The following SAP130 variants were observed in gnomAD, a reference collection of about 807,000 sequenced individuals.
SAP130 encodes the protein histone deacetylase complex subunit SAP130.
In SAP130, 16 loss-of-function variants were observed where a neutral mutation model predicts 103.2. The observed-to-expected ratio is 0.16, with a 90% CI of 0.10 to 0.24. SAP130 has a LOEUF of 0.24. Ranked by LOEUF, SAP130 falls within the 10% of genes least tolerant of loss-of-function variation. The pLI is 1.00. For missense variants in SAP130, 990 were observed against 1,359.7 expected (o/e 0.73, Z 4.28); for synonymous variants, 477 against 497.0 (o/e 0.96, Z 0.53).
chr2:127,989,631 G>C lies in SAP130; in HGVS notation c.1713C>G (p.Ile571Met). 6.2e-7 allele frequency: 1 copy of C among 1,614,168 alleles called. No individual in the cohort carries two copies. The highest frequency in any genetic ancestry group is 1.1e-5 in the South Asian group (1 of 91,086). ...GTQGIHSATPINTQGLQPAPM... is the reference protein window; with the variant it reads ...GTQGIHSATPMNTQGLQPAPM... Reference sequence around the variant, plus strand: ...GTGCAGGCTGAAGCCCTTGTGTGTTGATTGGGGTTGCTGAGTGAATTCCCT... The same window carrying C: ...GTGCAGGCTGAAGCCCTTGTGTGTTCATTGGGGTTGCTGAGTGAATTCCCT... Residue 571 changes from isoleucine to methionine, a missense_variant, in exon 13 of 21, where the codon ATC (isoleucine) becomes ATG (methionine). Ile to Met is a conservative substitution (Grantham distance 10). Coordinates refer to ENST00000643581, the MANE Select transcript of SAP130 (RefSeq NM_001330301.2). The surrounding 1 kb of genome is among the most constrained non-coding windows in gnomAD (Gnocchi z 4.6).
intron 14 of SAP130, among the ~76,000 whole-genome samples, chr2:127,980,938 A>C (rs1681823814): frequency 6.6e-6 from 1 of 152,080 alleles, no homozygotes; most frequent in African/African-American, 2.4e-5. Flanking sequence ...AATGCAGATG[A>C]ATTACATAAA....
intron 3 of SAP130, among the ~76,000 whole-genome samples, chr2:128,017,433 T>C (rs1431736493): frequency 6.6e-6 from 1 of 151,750 alleles, no homozygotes; most frequent in Non-Finnish European, 1.5e-5. Context: ...AACATGCCCA[T>C]AAGTTGAATA....
intron 7 of SAP130, among the ~76,000 whole-genome samples, chr2:128,003,108 G>A (rs1461242315): frequency 6.6e-6 from 1 of 151,526 alleles, no homozygotes; most frequent in African/African-American, 2.4e-5. Flanking sequence ...CAGCCTGGGC[G>A]ACACATGAGA....
intron 14 of SAP130, among the ~76,000 whole-genome samples, chr2:127,983,075 C>T (rs900563089): frequency 6.6e-6 from 1 of 152,114 alleles, no homozygotes; most frequent in Non-Finnish European, 1.5e-5. Context: ...CATTTCTGAT[C>T]ATTAAAGGTG....
rs543220524 is a variant in SAP130, at chr2:127,953,478, C to T, written c.2422+1508G>A. On this transcript the variant is annotated intron_variant, in intron 16 of 20. Transcript: ENST00000643581. The surrounding 1 kb of genome is among the most constrained non-coding windows in gnomAD (Gnocchi z 4.0). ...AGTGAGTGCTTGGCACTGCTCTGCT[C>T]ACACTCCCTGCTCTGCTCCAACAGC... Among the ~76,000 whole-genome samples the T allele has an allele frequency of 6.6e-6, 1 of 152,304 alleles. No individual in the cohort carries two copies. Among genetic ancestry groups the T allele is most frequent in the East Asian group, 1.9e-4 (1 of 5,190 alleles).
At chr2:127,984,725 C>A (rs1042826110) in intron 14 of SAP130, among the ~76,000 whole-genome samples, 14 of 152,164 alleles carry the variant, frequency 9.2e-5, no homozygotes, top group African/African-American at 3.1e-4. Context: ...TCCACACACA[C>A]ACGGTGAGTC....
rs137944846 is a variant in SAP130, at chr2:127,944,186, C to T, written c.2901+1270G>A. Among the ~76,000 whole-genome samples the T allele has an allele frequency of 1.9e-4, 29 of 152,136 alleles. No homozygotes were observed. The Middle Eastern group carries it at 0.01, about 54-fold the overall frequency. ...AGCTGGGACTAGGGGGTGTGCACCA[C>T]TACACCCGGCTAATTAAAACACTTT... On this transcript the variant is annotated intron_variant, in intron 19 of 20. Transcript: ENST00000643581.
intron 15 of SAP130, among the ~76,000 whole-genome samples, chr2:127,961,678 G>A (rs983536550): frequency 1.1e-4 from 17 of 151,994 alleles, no homozygotes; most frequent in African/African-American, 2.9e-4. Flanking sequence ...ATTTGGAGGC[G>A]GAAGGTGAGC....
At position 127,953,619 on chromosome 2, in the gene SAP130, G is replaced by C. The variant is rs1679639384; in HGVS notation, c.2422+1367C>G. ...TATTACTTAGCTCCAGCGACCTTTG[G>C]TTCTTTGCTATATTTTGAGCACATC... On this transcript the variant is annotated intron_variant, in intron 16 of 20. Transcript: ENST00000643581. This position sits in a 1 kb window ranked among gnomAD's most constrained non-coding sequence, Gnocchi z 4.0. Among the ~76,000 whole-genome samples, 1 of 152,064 alleles carries C rather than the reference G, an allele frequency of 6.6e-6. No homozygotes were observed. The highest frequency in any genetic ancestry group is 1.5e-5 in the Non-Finnish European group (1 of 67,998).
At chr2:128,002,779 G>A (rs1034617193) in intron 7 of SAP130, among the ~76,000 whole-genome samples, 7 of 152,072 alleles carry the variant, frequency 4.6e-5, no homozygotes, top group African/African-American at 7.2e-5. Flanking sequence ...ATGAGACATC[G>A]TGTATCAAAA....
intron 15 of SAP130, among the ~76,000 whole-genome samples, chr2:127,975,457 A>G (rs1014274946): frequency 1.3e-5 from 2 of 152,250 alleles, no homozygotes; most frequent in African/African-American, 4.8e-5. Flanking sequence ...GTGAATATAA[A>G]AAGGAAGGTA....
chr2:127,982,068 G>A lies in SAP130; in HGVS notation c.1959-3979C>T, dbSNP rs547888497. 1.2e-4 allele frequency among the ~76,000 whole-genome samples: 18 copies of A among 151,930 alleles called. No homozygotes were observed. In the South Asian group the frequency reaches 2.9e-3, roughly 25 times the overall value. ...CTGTTTATTTTGAGACTATACATGC[G>A]TCTGTGACATTTTCTATATACTTCC... is the stretch of plus-strand genomic sequence containing the variant. On this transcript the variant is annotated intron_variant, in intron 14 of 20. Transcript: ENST00000643581.
At position 127,953,785 on chromosome 2, in the gene SAP130, A is replaced by G. The variant is rs1679649440; in HGVS notation, c.2422+1201T>C. 6.6e-6 allele frequency among the ~76,000 whole-genome samples: 1 copy of G among 152,208 alleles called. No homozygotes were observed. Among genetic ancestry groups the G allele is most frequent in the South Asian group, 2.1e-4 (1 of 4,824 alleles). Reference sequence around the variant, plus strand: ...CACTTCCTCAGTGAGGCTTTCTCCTAAAACTCTTTACACACATTCCAGCCC... The same window carrying G: ...CACTTCCTCAGTGAGGCTTTCTCCTGAAACTCTTTACACACATTCCAGCCC... On this transcript the variant is annotated intron_variant, in intron 16 of 20. Coordinates refer to ENST00000643581, the MANE Select transcript of SAP130 (RefSeq NM_001330301.2). This position sits in a 1 kb window ranked among gnomAD's most constrained non-coding sequence, Gnocchi z 4.0.
intron 6 of SAP130, among the ~76,000 whole-genome samples, chr2:128,012,421 G>A (rs977396004): frequency 3.9e-5 from 6 of 152,088 alleles, no homozygotes; most frequent in African/African-American, 1.4e-4. Context: ...AGTGAGCTGG[G>A]ATCGCACCAC....
chr2:128,005,807 CA>C (rs761680034), intron 7 of SAP130, among the ~76,000 whole-genome samples: 28 of 152,100 alleles, frequency 1.8e-4, no homozygotes, highest in South Asian at 6.2e-4. Flanking sequence ...GCCCCATGCC[CA>C]GCTGACAGAC....
chr2:128,025,392 C>T lies in SAP130; in HGVS notation c.112+789G>A, dbSNP rs6749012. ...TCCCCAAACACCTGTCACTGAGAAC[C>T]ACTAATTTCTACCACTCAAAGGGTA... On this transcript the variant is annotated intron_variant, in intron 2 of 20. Coordinates refer to ENST00000643581, the MANE Select transcript of SAP130 (RefSeq NM_001330301.2). 7.4e-3 allele frequency among the ~76,000 whole-genome samples: 1,129 copies of T among 152,282 alleles called. 12 individuals are homozygous for T. The highest frequency in any genetic ancestry group is 0.023 in the African/African-American group (959 of 41,544).
rs1480318788 is a variant in SAP130, at chr2:127,942,769, A to G, written c.2902-232T>C. 6.6e-6 allele frequency among the ~76,000 whole-genome samples: 1 copy of G among 152,128 alleles called. No individual in the cohort carries two copies. The highest frequency in any genetic ancestry group is 1.9e-4 in the East Asian group (1 of 5,192). On this transcript the variant is annotated intron_variant, in intron 19 of 20. Transcript: ENST00000643581. This position sits in a 1 kb window ranked among gnomAD's most constrained non-coding sequence, Gnocchi z 4.8. ...TTTGGGAGGTCGAGGCGGGTGGATC[A>G]CCTGAGGTCCAGAGTTTGAGACCAG...
chr2:127,963,701 T>G (rs1052622415), intron 15 of SAP130, among the ~76,000 whole-genome samples: 1 of 152,110 alleles, frequency 6.6e-6, no homozygotes, highest in African/African-American at 2.4e-5. Flanking sequence ...GGCGGGTCTT[T>G]CTTGTGCTGT....
At chr2:128,005,769 C>T (rs1683928312) in intron 7 of SAP130, among the ~76,000 whole-genome samples, 1 of 151,966 alleles carries the variant, frequency 6.6e-6, no homozygotes, top group South Asian at 2.1e-4. Flanking sequence ...GCCTCAGCTT[C>T]CCAAGTAGCT....
Sources: allele counts gnomAD v4.1 joint callset (sites outside exome capture counted in the v4.1 genomes callset), GRCh38; gene constraint gnomAD v4.1.1; non-coding constraint Gnocchi (gnomAD v3.1); transcripts MANE v1.5; gene names NCBI Gene and HGNC (gene_info 2026-07-23, HGNC 2026-07-21).